NUBP1: variants seen among roughly 807,000 people sequenced by gnomAD.
NUBP1 encodes the protein cytosolic Fe-S cluster assembly factor NUBP1.
Under a neutral mutation model 41.8 loss-of-function variants are expected in NUBP1, and 46 were observed. The observed-to-expected ratio is 1.10, with a 90% CI of 0.87 to 1.41. NUBP1 has a LOEUF of 1.41. Ranked by LOEUF, NUBP1 falls within the 40% of genes most tolerant of loss-of-function variation. The probability of loss-of-function intolerance (pLI) is 0.00; values close to 1 mark genes in which losing one functional copy is unlikely to be tolerated. For synonymous variants in NUBP1, 189 were observed against 154.6 expected (o/e 1.22, Z -1.65); for missense variants, 494 against 414.0 (o/e 1.19, Z -1.68).
At chr16:10,758,766 C>G (rs1437533038) in intron 7 of NUBP1, among the ~76,000 whole-genome samples, 2 of 152,210 alleles carry the variant, frequency 1.3e-5, no homozygotes, top group African/African-American at 4.8e-5. Context: ...ACAGAACCAG[C>G]TGGGTGCAGA....
chr16:10,761,225 G>C (rs1351112071), intron 7 of NUBP1, 139 bp from the exon 8 acceptor site: 2 of 691,818 alleles, frequency 2.9e-6, no homozygotes, highest in Admixed American at 5.2e-5. Context: ...TGGGGACACA[G>C]AGCCAAACCC....
Position 10,743,953 on chromosome 16 carries a change from C to G in NUBP1, c.20-8C>G, listed in dbSNP as rs1200556490. ...AGCTGCTCTAACTGTGGTCTTGTCTCTGCGCAGACTGTCCAGGGGCCGACA... is the reference window on the plus strand; with the variant it reads ...AGCTGCTCTAACTGTGGTCTTGTCTGTGCGCAGACTGTCCAGGGGCCGACA... On this transcript the variant is annotated splice_region_variant and splice_polypyrimidine_tract_variant and intron_variant, in intron 1 of 10. Coordinates refer to ENST00000283027, the MANE Select transcript of NUBP1 (RefSeq NM_002484.4). The G allele has an allele frequency of 6.3e-7, 1 of 1,592,032 alleles. No individual in the cohort carries two copies. The highest frequency in any genetic ancestry group is 8.5e-7 in the Non-Finnish European group (1 of 1,172,418).
In NUBP1 at chr16:10,752,591, G is replaced by C; in HGVS notation, c.259-19G>C. ...GTGCATTCAGTTATATAACCGCTTT[G>C]GTCTCTTCTTGTCCCCAGATTGCTC... On this transcript the variant is annotated intron_variant, in intron 3 of 10. Coordinates refer to ENST00000283027, the MANE Select transcript of NUBP1 (RefSeq NM_002484.4). 1 of 1,608,756 alleles carries C rather than the reference G, an allele frequency of 6.2e-7. No individual in the cohort carries two copies. The highest frequency in any genetic ancestry group is 1.1e-5 in the South Asian group (1 of 90,978).
rs1334896341 is a variant in NUBP1 at position 10,759,449 on chromosome 16, G to C, written c.606+1422G>C. Among the ~76,000 whole-genome samples, 1 of 152,222 alleles carries C rather than the reference G, an allele frequency of 6.6e-6. No individual in the cohort carries two copies. Among genetic ancestry groups the C allele is most frequent in the Admixed American group, 6.5e-5 (1 of 15,284 alleles). On this transcript the variant is annotated intron_variant, in intron 7 of 10. Coordinates refer to ENST00000283027, the MANE Select transcript of NUBP1 (RefSeq NM_002484.4). The surrounding 1 kb of genome is among the most constrained non-coding windows in gnomAD (Gnocchi z 4.7). ...ATGGCAGTGGAGAGAAAGTGTATTTGTCCTTAGGAATGTTTTCTGTCCCAT... is the reference window on the plus strand; with the variant it reads ...ATGGCAGTGGAGAGAAAGTGTATTTCTCCTTAGGAATGTTTTCTGTCCCAT...
At position 10,767,668 on chromosome 16, in the gene NUBP1, G is replaced by A; in HGVS notation, c.821-281G>A. ...CTAATCTCTTAAAATGCAGACTCCT[G>A]GGCCCATGTGGAAGCTGCTGAATCA... On this transcript the variant is annotated intron_variant, in intron 9 of 10. Coordinates refer to ENST00000283027, the MANE Select transcript of NUBP1 (RefSeq NM_002484.4). This position sits in a 1 kb window ranked among gnomAD's most constrained non-coding sequence, Gnocchi z 4.6. The A allele has an allele frequency of 2.0e-6, 1 of 502,154 alleles. No homozygotes were observed. The highest frequency in any genetic ancestry group is 2.9e-5 in the South Asian group (1 of 34,218). The allele number at this position is 502,154 out of a possible 1,614,324, so 31.1% of individuals were successfully genotyped here.
chr16:10,747,676 C>G (rs1084553), intron 3 of NUBP1, among the ~76,000 whole-genome samples: 37,743 of 152,154 alleles, frequency 0.25, 4,975 homozygotes, highest in South Asian at 0.35. Flanking sequence ...GAATTGGCCT[C>G]TTTGGAATCT....
At position 10,767,988 on chromosome 16, in the gene NUBP1, C is replaced by A; in HGVS notation, c.860C>A (p.Ala287Asp). 1.2e-6 allele frequency: 2 copies of A among 1,613,910 alleles called. No homozygotes were observed. Among genetic ancestry groups the A allele is most frequent in the East Asian group, 4.5e-5 (2 of 44,896 alleles). The change falls in exon 10 of 11, where the codon GCC becomes GAC. Residue 287 changes from alanine to aspartate, a missense_variant. By Grantham distance (126) the Ala-to-Asp change is moderately radical (BLOSUM62 -2). Transcript: ENST00000283027. This position sits in a 1 kb window ranked among gnomAD's most constrained non-coding sequence, Gnocchi z 4.6. ...AAAGGCCAGTCTTTTTTCATTGACG[C>A]CCCAGATTCCCCAGCCACGTTAGCC... is the stretch of plus-strand genomic sequence containing the variant. Reference protein sequence around the residue: ...CDKGQSFFIDAPDSPATLAYR... With the variant: ...CDKGQSFFIDDPDSPATLAYR...
At chr16:10,760,763 T>C (rs1567260895) in intron 7 of NUBP1, among the ~76,000 whole-genome samples, 1 of 152,144 alleles carries the variant, frequency 6.6e-6, no homozygotes, top group Non-Finnish European at 1.5e-5. Context: ...TCTTTTAGGT[T>C]GATTTCTTGC....
In NUBP1 at chr16:10,761,345, G is replaced by C. The variant is rs909536976; in HGVS notation, c.607-19G>C. 3.1e-6 allele frequency: 5 copies of C among 1,609,958 alleles called. No homozygotes were observed. Among genetic ancestry groups the C allele is most frequent in the Non-Finnish European group, 4.2e-6 (5 of 1,176,640 alleles). On this transcript the variant is annotated intron_variant, in intron 7 of 10. Coordinates refer to ENST00000283027, the MANE Select transcript of NUBP1 (RefSeq NM_002484.4). Reference sequence around the variant, plus strand: ...CTCGCACTTTGATGCTGGAATCACTGGTCTTTTCACCTTCGTAGGAGGTGT... The same window carrying C: ...CTCGCACTTTGATGCTGGAATCACTCGTCTTTTCACCTTCGTAGGAGGTGT...
rs2031058228 is a variant in NUBP1, at chr16:10,767,446, T to G, written c.821-503T>G. The G allele has an allele frequency of 2.5e-6, 1 of 399,556 alleles. No homozygotes were observed. The highest frequency in any genetic ancestry group is 4.4e-6 in the Non-Finnish European group (1 of 227,352). 24.8% of individuals were successfully genotyped at this position (399,556 alleles called of 1,614,324 possible). A position where few individuals can be genotyped will look rare whatever the true frequency, so the allele number is the denominator to read the frequency against. On this transcript the variant is annotated intron_variant, in intron 9 of 10. Coordinates refer to ENST00000283027, the MANE Select transcript of NUBP1 (RefSeq NM_002484.4). This position sits in a 1 kb window ranked among gnomAD's most constrained non-coding sequence, Gnocchi z 4.6. ...AGAATGTGTGTGTCATGTGCTCCCA[T>G]TCGTATTTTAGGTATATGAGAGTGT...
At chr16:10,745,611 G>A (rs1900021781) in intron 2 of NUBP1, among the ~76,000 whole-genome samples, 1 of 152,216 alleles carries the variant, frequency 6.6e-6, no homozygotes, top group Non-Finnish European at 1.5e-5. Context: ...TCGATGGAGT[G>A]GTTCCAGAAG....
intron 3 of NUBP1, among the ~76,000 whole-genome samples, chr16:10,751,142 T>G (rs769751636): frequency 3.3e-5 from 5 of 152,064 alleles, no homozygotes; most frequent in African/African-American, 4.8e-5. Flanking sequence ...TCTCATATCC[T>G]TACATCATTT....
At chr16:10,763,485 T>C (rs905447067) in intron 9 of NUBP1, 1 of 152,262 alleles carries the variant, frequency 6.6e-6, no homozygotes, top group Non-Finnish European at 1.5e-5. Context: ...TTCTCTGGCA[T>C]GTGATTTCCC....
intron 5 of NUBP1, among the ~76,000 whole-genome samples, chr16:10,756,271 C>T (rs1163829722): frequency 1.3e-5 from 2 of 152,002 alleles, no homozygotes; most frequent in African/African-American, 4.8e-5. Flanking sequence ...ACTGGCTACT[C>T]GGGAGGCTGA....
At position 10,768,030 on chromosome 16, in the gene NUBP1, AGAGT is replaced by A. The variant is rs2031158303; in HGVS notation, c.903_904+2del. The A allele has an allele frequency of 6.2e-7, 1 of 1,613,770 alleles. No homozygotes were observed. The highest frequency in any genetic ancestry group is 8.5e-7 in the Non-Finnish European group (1 of 1,179,868). ...ACGTTAGCCTACAGAAGTATAATTCAGAGTAAGTATTTCCATGAGTACTAAATGC... is the reference window on the plus strand; with the variant it reads ...ACGTTAGCCTACAGAAGTATAATTCAAAGTATTTCCATGAGTACTAAATGC... On this transcript the variant is annotated splice_donor_variant and coding_sequence_variant, in exon 10 of 11. Transcript: ENST00000283027. LOFTEE classifies it high-confidence loss of function. The surrounding 1 kb of genome is among the most constrained non-coding windows in gnomAD (Gnocchi z 4.3).
chr16:10,761,135 C>A, intron 7 of NUBP1: 1 of 422,670 alleles, frequency 2.4e-6, no homozygotes, highest in Non-Finnish European at 4.4e-6. Context: ...CCCCATGATC[C>A]AATCACCTCC....
At position 10,759,360 on chromosome 16, in the gene NUBP1, C is replaced by G. The variant is rs553272992; in HGVS notation, c.606+1333C>G. 6.6e-6 allele frequency among the ~76,000 whole-genome samples: 1 copy of G among 152,158 alleles called. No homozygotes were observed. Among genetic ancestry groups the G allele is most frequent in the Non-Finnish European group, 1.5e-5 (1 of 68,024 alleles). Reference sequence around the variant, plus strand: ...ATCCTGCAGAGAGGGGACATGGGGACGCAAGGAGGAGCAGGACACCAGCTG... The same window carrying G: ...ATCCTGCAGAGAGGGGACATGGGGAGGCAAGGAGGAGCAGGACACCAGCTG... On this transcript the variant is annotated intron_variant, in intron 7 of 10. Coordinates refer to ENST00000283027, the MANE Select transcript of NUBP1 (RefSeq NM_002484.4). This position sits in a 1 kb window ranked among gnomAD's most constrained non-coding sequence, Gnocchi z 4.7.
chr16:10,753,303 CTGA>C (rs1900407637), intron 4 of NUBP1, among the ~76,000 whole-genome samples: 1 of 152,184 alleles, frequency 6.6e-6, no homozygotes, highest in Admixed American at 6.5e-5. Context: ...AAATTTAGCT[CTGA>C]CTGGGAACAT....
chr16:10,748,556 T>C (rs1900165517), intron 3 of NUBP1, among the ~76,000 whole-genome samples: 1 of 152,144 alleles, frequency 6.6e-6, no homozygotes, highest in Non-Finnish European at 1.5e-5. Flanking sequence ...TTGGGCAAGT[T>C]ACCAGGCTTA....
Sources: gnomAD v4.1 joint callset for allele counts (sites outside exome capture counted in the v4.1 genomes callset) on GRCh38, gnomAD v4.1.1 for gene constraint, Gnocchi (gnomAD v3.1) non-coding constraint, MANE v1.5 for transcripts, NCBI Gene and HGNC (gene_info 2026-07-23, HGNC 2026-07-21) for gene names.